PTPRN2: variants seen among roughly 807,000 people sequenced by gnomAD.
PTPRN2 encodes protein tyrosine phosphatase receptor type N2.
In PTPRN2, 74 loss-of-function variants were observed where a neutral mutation model predicts 118.8. The ratio of observed to expected loss-of-function variants is 0.62; its 90% CI spans 0.52 to 0.76. The LOEUF is 0.76. Ranked by LOEUF, PTPRN2 falls within the 30% of genes least tolerant of loss-of-function variation. The probability of loss-of-function intolerance (pLI) is 0.00; values close to 1 mark genes in which losing one functional copy is unlikely to be tolerated. For missense variants in PTPRN2, 1,481 were observed against 1,394.4 expected (o/e 1.06, Z -0.99); for synonymous variants, 641 against 608.0 (o/e 1.05, Z -0.80).
chr7:158,146,849 C>A (rs547136643), intron 6 of PTPRN2, among the ~76,000 whole-genome samples: 55 of 152,118 alleles, frequency 3.6e-4, no homozygotes, highest in African/African-American at 1.1e-3. Flanking sequence ...AGAGACTTGA[C>A]CAATGGATAG....
At chr7:157,544,100 C>A (rs1410529240) in intron 22 of PTPRN2, among the ~76,000 whole-genome samples, 11 of 127,166 alleles carry the variant, frequency 8.7e-5, no homozygotes, top group Admixed American at 8.4e-4. Context: ...TGAAGAGAGG[C>A]GGAGAGAGGT....
chr7:157,664,350 G>A (rs897476585), intron 13 of PTPRN2, among the ~76,000 whole-genome samples: 48 of 152,372 alleles, frequency 3.2e-4, no homozygotes, highest in Admixed American at 2.2e-3. Context: ...CGTATCACCT[G>A]CGTTCATTAT....
rs1382388978 is a variant in PTPRN2, at chr7:158,070,793, T to G, written c.1723+10505A>C. Among the ~76,000 whole-genome samples the G allele has an allele frequency of 2.6e-5, 3 of 113,690 alleles. 1 individual carries two copies. Among genetic ancestry groups the G allele is most frequent in the African/African-American group, 1.2e-4 (3 of 25,236 alleles). The allele number at this position is 113,690 out of a possible 152,430, so 74.6% of individuals were successfully genotyped here. ...CTCATGGTGGAGGTGCCCGTGGTGGTGGAGGTGCCCGTGGTGGTGAAGGTG... is the reference window on the plus strand; with the variant it reads ...CTCATGGTGGAGGTGCCCGTGGTGGGGGAGGTGCCCGTGGTGGTGAAGGTG... On this transcript the variant is annotated intron_variant, in intron 11 of 22. Transcript: ENST00000389418.
rs1020227270 is a variant in PTPRN2 at position 157,671,853 on chromosome 7, G to C, written c.2001+10872C>G. On this transcript the variant is annotated intron_variant, in intron 13 of 22. Coordinates refer to ENST00000389418, the MANE Select transcript of PTPRN2 (RefSeq NM_002847.5). The surrounding 1 kb of genome is among the most constrained non-coding windows in gnomAD (Gnocchi z 4.1). The stretch of plus-strand genomic sequence containing the variant: ...AGGCCAGGGTCTGGGGGCCTGCTGG[G>C]AATCCCGGTCTCAGAGGTCTCAGCT... Among the ~76,000 whole-genome samples the C allele has an allele frequency of 6.6e-6, 1 of 152,140 alleles. No homozygotes were observed. Among genetic ancestry groups the C allele is most frequent in the African/African-American group, 2.4e-5 (1 of 41,422 alleles).
chr7:158,002,725 G>A (rs746289608), intron 11 of PTPRN2, among the ~76,000 whole-genome samples: 2 of 152,158 alleles, frequency 1.3e-5, no homozygotes, highest in African/African-American at 2.4e-5. Context: ...AGGACGTTTC[G>A]GGCAGGTCAG....
intron 1 of PTPRN2, among the ~76,000 whole-genome samples, chr7:158,506,851 G>C (rs912327329): frequency 6.6e-6 from 1 of 152,112 alleles, no homozygotes. Context: ...GGGCCAGCCC[G>C]ATGGTTGCAA....
chr7:157,748,036 G>A (rs563092271), intron 12 of PTPRN2, among the ~76,000 whole-genome samples: 1 of 137,716 alleles, frequency 7.3e-6, no homozygotes, highest in South Asian at 2.3e-4. Context: ...GCGTCCCTGA[G>A]CTCTGGGCTG....
intron 1 of PTPRN2, among the ~76,000 whole-genome samples, chr7:158,494,732 C>G (rs1196105192): frequency 2.0e-5 from 3 of 152,254 alleles, no homozygotes; most frequent in Admixed American, 6.5e-5. Context: ...GCCAGGACCC[C>G]GTGGCTGTGC....
chr7:158,428,954 G>A (rs948362078), intron 2 of PTPRN2, among the ~76,000 whole-genome samples: 1 of 152,232 alleles, frequency 6.6e-6, no homozygotes, highest in African/African-American at 2.4e-5. Flanking sequence ...GAAAAACAGG[G>A]TGTGGGAGGA....
chr7:158,027,105 C>T (rs56148528), intron 11 of PTPRN2, among the ~76,000 whole-genome samples: 8,968 of 152,280 alleles, frequency 0.059, 300 homozygotes, highest in Admixed American at 0.091. Flanking sequence ...CAACAGGGCT[C>T]ACCCACCCCA....
intron 1 of PTPRN2, among the ~76,000 whole-genome samples, chr7:158,551,548 T>G (rs56228713): frequency 2.3e-5 from 3 of 129,066 alleles, no homozygotes; most frequent in African/African-American, 8.8e-5. Context: ...CACATGCATT[T>G]GGGGGCCCCA....
At chr7:158,551,706 A>G (rs1826671147) in intron 1 of PTPRN2, among the ~76,000 whole-genome samples, 1 of 50,872 alleles carries the variant, frequency 2.0e-5, no homozygotes, top group Admixed American at 2.0e-4. Context: ...TGGGGCTCTA[A>G]CACATGCATT....
intron 3 of PTPRN2, among the ~76,000 whole-genome samples, chr7:158,243,929 T>C (rs1394329028): frequency 6.6e-6 from 1 of 152,174 alleles, no homozygotes; most frequent in African/African-American, 2.4e-5. Context: ...AGTCTTTGCT[T>C]AGTTCTAAGT....
At chr7:158,127,327 T>C (rs116783838) in intron 9 of PTPRN2, among the ~76,000 whole-genome samples, 2,473 of 152,164 alleles carry the variant, frequency 0.016, 57 homozygotes, top group African/African-American at 0.049. Flanking sequence ...CTCCTCTGCT[T>C]GCGCCCTGCA....
At chr7:157,772,049 C>T (rs1422991764) in intron 12 of PTPRN2, among the ~76,000 whole-genome samples, 2 of 151,154 alleles carry the variant, frequency 1.3e-5, no homozygotes, top group Non-Finnish European at 3.0e-5. Context: ...GACACCCACA[C>T]ATAGAAATAC....
intron 3 of PTPRN2, among the ~76,000 whole-genome samples, chr7:158,257,602 A>G (rs1797114781): frequency 6.6e-6 from 1 of 152,174 alleles, no homozygotes; most frequent in Non-Finnish European, 1.5e-5. Context: ...GCAAGCGTGC[A>G]GCAGCGAGAA....
intron 11 of PTPRN2, among the ~76,000 whole-genome samples, chr7:158,039,209 G>A (rs1808288690): frequency 6.6e-6 from 1 of 152,198 alleles, no homozygotes; most frequent in Non-Finnish European, 1.5e-5. Flanking sequence ...ATAATTCTGT[G>A]TGAAAAACAC....
intron 2 of PTPRN2, among the ~76,000 whole-genome samples, chr7:158,468,775 C>A (rs1201036123): frequency 1.3e-5 from 2 of 152,090 alleles, no homozygotes; most frequent in Non-Finnish European, 2.9e-5. Context: ...CACCCCCCAC[C>A]CACACACACT....
chr7:158,024,513 A>C (rs982678228), intron 11 of PTPRN2, among the ~76,000 whole-genome samples: 1 of 152,184 alleles, frequency 6.6e-6, no homozygotes, highest in Non-Finnish European at 1.5e-5. Flanking sequence ...CACACAGGGC[A>C]CCCGTGCAGC....
Sources: gnomAD v4.1 joint callset for allele counts (sites outside exome capture counted in the v4.1 genomes callset) on GRCh38, gnomAD v4.1.1 for gene constraint, Gnocchi (gnomAD v3.1) non-coding constraint, MANE v1.5 for transcripts, NCBI Gene and HGNC (gene_info 2026-07-23, HGNC 2026-07-21) for gene names.